Variants in EPM2A observed in about 807,000 individuals in gnomAD.
The protein encoded by EPM2A is laforin.
Under a neutral mutation model 26.5 loss-of-function variants are expected in EPM2A, and 21 were observed. That is an observed-to-expected ratio of 0.79 (90% CI 0.56 to 1.14). The LOEUF (loss-of-function observed/expected upper bound fraction) is 1.14. EPM2A is among the 50% of genes most tolerant of loss of function. The pLI is 0.00. For synonymous variants in EPM2A, 217 were observed against 177.6 expected (o/e 1.22, Z -1.76); for missense variants, 458 against 440.8 (o/e 1.04, Z -0.35).
chr6:145,691,297 G>A (rs916497944), intron 1 of EPM2A, among the ~76,000 whole-genome samples: 2 of 152,028 alleles, frequency 1.3e-5, no homozygotes, highest in African/African-American at 4.8e-5. Flanking sequence ...ATTCTAATAT[G>A]AGCAGATTTC....
At position 145,632,279 on chromosome 6, in the gene EPM2A, AG is replaced by A. The variant is rs1776323230; in HGVS notation, c.718+2965del. On this transcript the variant is annotated intron_variant, in intron 3 of 3. Transcript: ENST00000367519. ...GAAATCAGTGTGTTGAGCAAGGGAA[AG>A]GAAGTCAGACTTTGACAACAGAGGG... 2.0e-5 allele frequency: 3 copies of A among 152,266 alleles called. No individual in the cohort carries two copies. In the South Asian group the frequency reaches 6.2e-4, roughly 31 times the overall value. 9.4% of individuals were successfully genotyped at this position (152,266 alleles called of 1,614,324 possible). A position where few individuals can be genotyped will look rare whatever the true frequency, so the allele number is the denominator to read the frequency against.
At chr6:145,566,696 C>T (rs1780888417) in intron 2 of EPM2A, among the ~76,000 whole-genome samples, 1 of 152,152 alleles carries the variant, frequency 6.6e-6, no homozygotes, top group Admixed American at 6.5e-5. Flanking sequence ...GATCTAGGGC[C>T]ACCTTGCAAA....
At chr6:145,678,792 A>G (rs1474763624) in intron 2 of EPM2A, among the ~76,000 whole-genome samples, 5 of 152,190 alleles carry the variant, frequency 3.3e-5, no homozygotes, top group Admixed American at 6.5e-5. Flanking sequence ...ATGCTTTTAC[A>G]CTGTTGGTGG....
intron 2 of EPM2A, among the ~76,000 whole-genome samples, chr6:145,588,102 C>A (rs1283854624): frequency 2.0e-5 from 3 of 152,124 alleles, no homozygotes; most frequent in Admixed American, 2.0e-4. Context: ...TCTGATGAAC[C>A]AGAATGAATT....
At position 145,596,487 on chromosome 6, in the gene EPM2A, T is replaced by G. The variant is rs920212438; in HGVS notation, c.340+38758A>C. Among the ~76,000 whole-genome samples, 8 of 152,340 alleles carry G rather than the reference T, an allele frequency of 5.3e-5. No homozygotes were observed. In the East Asian group the frequency reaches 1.2e-3, roughly 22 times the overall value. ...TCCCAGTATTAGTATAATGTAAGTT[T>G]TATAACATATATGTAAACAGAATAT... On this transcript the variant is annotated intron_variant, in intron 2 of 3. Transcript: ENST00000450221.
In EPM2A at chr6:145,451,622, T is replaced by C. The variant is rs570208655; in HGVS notation, c.555+50900A>G. 1.2e-4 allele frequency among the ~76,000 whole-genome samples: 18 copies of C among 152,340 alleles called. 1 individual carries two copies. In the South Asian group the frequency reaches 3.7e-3, roughly 32 times the overall value. On this transcript the variant is annotated intron_variant, in intron 4 of 4. Coordinates refer to the EPM2A transcript ENST00000638717. ...GATATGAGAATCTAGGTATAGTCTA[T>C]AAAGCCGGACATTAAATAGAATTGT...
At chr6:145,392,725 A>G (rs1023272131) in intron 4 of EPM2A, among the ~76,000 whole-genome samples, 2 of 152,078 alleles carry the variant, frequency 1.3e-5, no homozygotes, top group African/African-American at 4.8e-5. Flanking sequence ...TTATAAATAT[A>G]TATCAACCAG....
intron 4 of EPM2A, among the ~76,000 whole-genome samples, chr6:145,421,764 G>C (rs1778786780): frequency 6.6e-6 from 1 of 151,572 alleles, no homozygotes; most frequent in African/African-American, 2.4e-5. Flanking sequence ...TTATCTATAA[G>C]AGATATATTT....
chr6:145,420,340 G>A (rs1305916414), intron 4 of EPM2A, among the ~76,000 whole-genome samples: 1 of 152,094 alleles, frequency 6.6e-6, no homozygotes, highest in Non-Finnish European at 1.5e-5. Flanking sequence ...TCTGCAAATT[G>A]TTCACCATAT....
At chr6:145,514,979 G>A (rs1037827112) in intron 2 of EPM2A, among the ~76,000 whole-genome samples, 1 of 152,192 alleles carries the variant, frequency 6.6e-6, no homozygotes, top group Non-Finnish European at 1.5e-5. Context: ...TTGCTGGGGA[G>A]CACTTGCATA....
chr6:145,466,385 T>C (rs1242187288), intron 4 of EPM2A, among the ~76,000 whole-genome samples: 1 of 152,026 alleles, frequency 6.6e-6, no homozygotes, highest in Non-Finnish European at 1.5e-5. Flanking sequence ...AAAAAACACA[T>C]GAAAAAATGC....
At chr6:145,516,396 T>C (rs943907194) in intron 2 of EPM2A, among the ~76,000 whole-genome samples, 1 of 152,166 alleles carries the variant, frequency 6.6e-6, no homozygotes, top group Non-Finnish European at 1.5e-5. Context: ...AGGACCTAGA[T>C]GTCAAGATGA....
At chr6:145,482,729 G>A (rs1157367438) in intron 4 of EPM2A, among the ~76,000 whole-genome samples, 2 of 151,944 alleles carry the variant, frequency 1.3e-5, no homozygotes, top group African/African-American at 4.8e-5. Context: ...AATACAACGA[G>A]AACCCATTTT....
chr6:145,627,089 T>C lies in EPM2A; in HGVS notation c.*327A>G, dbSNP rs1775863995. ...ACAGGAAAGTGCTGTCACGGATCCA[T>C]CGTGCAACACATACAGTGCTGTAAA... On this transcript the variant is annotated 3_prime_UTR_variant, in exon 4 of 4. Coordinates refer to ENST00000367519, the MANE Select transcript of EPM2A (RefSeq NM_005670.4). 4 of 1,231,546 alleles carry C rather than the reference T, an allele frequency of 3.2e-6. No homozygotes were observed. In the Admixed American group the frequency reaches 1.5e-4, roughly 47 times the overall value. The allele number at this position is 1,231,546 out of a possible 1,614,324, so 76.3% of individuals were successfully genotyped here.
intron 4 of EPM2A, among the ~76,000 whole-genome samples, chr6:145,386,144 C>A (rs1778258752): frequency 6.6e-6 from 1 of 151,556 alleles, no homozygotes; most frequent in Admixed American, 6.6e-5. Flanking sequence ...CAATAGTAAA[C>A]TATATTCAGA....
chr6:145,663,645 A>G (rs1778918955), intron 2 of EPM2A, among the ~76,000 whole-genome samples: 1 of 150,050 alleles, frequency 6.7e-6, no homozygotes, highest in Admixed American at 6.7e-5. Context: ...CAACGTTCAG[A>G]TTCAGGAAAT....
intron 2 of EPM2A, among the ~76,000 whole-genome samples, chr6:145,510,185 G>C (rs549444657): frequency 6.6e-6 from 1 of 151,674 alleles, no homozygotes; most frequent in Admixed American, 6.6e-5. Flanking sequence ...AGCTCATTGA[G>C]ACAGAAAACT....
At chr6:145,536,221 T>G (rs1253881823) in intron 2 of EPM2A, among the ~76,000 whole-genome samples, 1 of 152,100 alleles carries the variant, frequency 6.6e-6, no homozygotes, top group South Asian at 2.1e-4. Flanking sequence ...GTTTGATAGT[T>G]TGATTGTCTC....
At chr6:145,583,997 G>A (rs894151314) in intron 2 of EPM2A, among the ~76,000 whole-genome samples, 1 of 152,182 alleles carries the variant, frequency 6.6e-6, no homozygotes, top group African/African-American at 2.4e-5. Context: ...GCAACTGTGT[G>A]GTTTGCTAGC....
Sources: gnomAD v4.1 joint callset for allele counts (sites outside exome capture counted in the v4.1 genomes callset) on GRCh38, gnomAD v4.1.1 for gene constraint, MANE v1.5 for transcripts, NCBI Gene and HGNC (gene_info 2026-07-23, HGNC 2026-07-21) for gene names.